The following METTL15 variants were observed in gnomAD, a reference collection of about 807,000 sequenced individuals.
METTL15 encodes the protein methyltransferase 15, mitochondrial 12S rRNA N4-cytidine, also known as 12S rRNA N(4)-cytidine methyltransferase METTL15.
A neutral mutation model predicts 38.3 loss-of-function variants in METTL15; 34 were observed. That is an observed-to-expected ratio of 0.89 (90% confidence interval 0.68 to 1.18). METTL15 has a LOEUF of 1.18. Among genes scored for constraint, METTL15 ranks in the 50% most tolerant of loss-of-function variants. The pLI is 0.00. For missense variants in METTL15, 438 were observed against 498.4 expected, an observed-to-expected ratio of 0.88 and a Z score of 1.15; for synonymous variants, 162 against 170.9, an observed-to-expected ratio of 0.95 and a Z score of 0.41.
intron 4 of METTL15, among the ~76,000 whole-genome samples, chr11:28,225,208 T>G (rs1853424313): frequency 6.6e-6 from 1 of 151,900 alleles, no homozygotes; most frequent in Admixed American, 6.6e-5. Context: ...CATTTACAGT[T>G]TTGGCTGTAT....
intron 5 of METTL15, among the ~76,000 whole-genome samples, chr11:28,363,603 T>C (rs1432311504): frequency 6.6e-6 from 1 of 152,230 alleles, no homozygotes; most frequent in East Asian, 1.9e-4. Context: ...GCCAGATGCA[T>C]AGTTTGCAAA....
intron 4 of METTL15, among the ~76,000 whole-genome samples, chr11:28,286,729 C>T (rs1367983365): frequency 6.6e-6 from 1 of 151,908 alleles, no homozygotes; most frequent in Non-Finnish European, 1.5e-5. Context: ...ATTATGTGTT[C>T]CTTAACTTCT....
At chr11:28,203,582 A>G (rs1457394363) in intron 3 of METTL15, among the ~76,000 whole-genome samples, 1 of 152,050 alleles carries the variant, frequency 6.6e-6, no homozygotes, top group African/African-American at 2.4e-5. Flanking sequence ...CATAGGATCT[A>G]CATTTTACTA....
At chr11:28,355,627 T>A (rs1564904895) in intron 4 of METTL15, among the ~76,000 whole-genome samples, 1 of 152,196 alleles carries the variant, frequency 6.6e-6, no homozygotes, top group Non-Finnish European at 1.5e-5. Flanking sequence ...CCGTAGCATT[T>A]ACATTGTACT....
At chr11:28,327,476 C>G (rs1264139899) in intron 6 of METTL15, 1 of 152,254 alleles carries the variant, frequency 6.6e-6, no homozygotes, top group African/African-American at 2.4e-5. Context: ...TTCATATATA[C>G]TAGGGGATAT....
intron 4 of METTL15, among the ~76,000 whole-genome samples, chr11:28,235,775 T>G (rs1376949903): frequency 6.6e-6 from 1 of 152,188 alleles, no homozygotes; most frequent in Non-Finnish European, 1.5e-5. Context: ...GACTTCCTGT[T>G]TTCCCAATTG....
At chr11:28,295,611 A>T (rs12293261) in intron 5 of METTL15, among the ~76,000 whole-genome samples, 22,153 of 152,090 alleles carry the variant, frequency 0.15, 1,794 homozygotes, top group East Asian at 0.28. Context: ...AAAAAAAAAA[A>T]AATAATAATC....
At chr11:28,115,628 ATAT>A (rs1166700580) in intron 3 of METTL15, among the ~76,000 whole-genome samples, 4 of 152,174 alleles carry the variant, frequency 2.6e-5, no homozygotes, top group African/African-American at 9.7e-5. Context: ...TAGAGCAAAA[ATAT>A]TAAGAGAATC....
chr11:28,240,769 A>T (rs891946024), intron 4 of METTL15, among the ~76,000 whole-genome samples: 15 of 152,204 alleles, frequency 9.9e-5, no homozygotes, highest in African/African-American at 3.4e-4. Flanking sequence ...ATGTTAAGAA[A>T]ATTTAAAAAG....
chr11:28,509,001 A>G (rs1851652804), intron 6 of METTL15, among the ~76,000 whole-genome samples: 2 of 152,198 alleles, frequency 1.3e-5, no homozygotes, highest in Non-Finnish European at 2.9e-5. Flanking sequence ...TTTCTAGACC[A>G]TGATATCTAC....
At chr11:28,288,875 A>G (rs1465130169) in intron 4 of METTL15, among the ~76,000 whole-genome samples, 2 of 152,110 alleles carry the variant, frequency 1.3e-5, no homozygotes, top group Non-Finnish European at 2.9e-5. Flanking sequence ...GTTGGGCCAG[A>G]TGAAATCCTG....
Position 28,456,428 on chromosome 11 carries a change from T to TG in METTL15, c.*424+32064_*424+32065insG, listed in dbSNP as rs1367279424. 8.7e-4 allele frequency among the ~76,000 whole-genome samples: 127 copies of TG among 146,056 alleles called. 2 individuals carry two copies. The East Asian group carries it at 0.011, about 12-fold the overall frequency. On this transcript the variant is annotated intron_variant and NMD_transcript_variant, in intron 6 of 7. Coordinates refer to the METTL15 transcript ENST00000532947. Reference sequence around the variant, plus strand: ...ATCATAGCCCCCAGGGTTGTTTTTTTTTTTGTTTGTTTGTTTGTTTTGTTT... The same window carrying TG: ...ATCATAGCCCCCAGGGTTGTTTTTTTGTTTTGTTTGTTTGTTTGTTTTGTTT...
intron 2 of METTL15, among the ~76,000 whole-genome samples, chr11:28,112,741 G>T (rs1163935302): frequency 6.6e-6 from 1 of 152,134 alleles, no homozygotes; most frequent in Non-Finnish European, 1.5e-5. Flanking sequence ...ACAGGGAGAT[G>T]ATCTCGTCAG....
intron 3 of METTL15, among the ~76,000 whole-genome samples, chr11:28,198,089 G>A (rs1431432809): frequency 6.6e-6 from 1 of 151,964 alleles, no homozygotes; most frequent in Non-Finnish European, 1.5e-5. Flanking sequence ...ATGTTCATTG[G>A]TGTTTGTCCA....
intron 3 of METTL15, chr11:28,134,559 G>A (rs1205773334): frequency 1.3e-5 from 5 of 398,340 alleles, no homozygotes; most frequent in Admixed American, 4.4e-5. Context: ...CTGCTGTTGC[G>A]AAAAAGTGGA....
At chr11:28,412,771 C>G (rs1850739980) in intron 5 of METTL15, among the ~76,000 whole-genome samples, 2 of 151,736 alleles carry the variant, frequency 1.3e-5, no homozygotes, top group Admixed American at 1.3e-4. Flanking sequence ...AGATTTAGTT[C>G]AAGAATATAC....
At chr11:28,271,241 T>C (rs970067496) in intron 4 of METTL15, among the ~76,000 whole-genome samples, 2 of 152,158 alleles carry the variant, frequency 1.3e-5, no homozygotes, top group Non-Finnish European at 2.9e-5. Context: ...ATTATAAGGC[T>C]CATTTTAACA....
chr11:28,374,950 T>G (rs1850290570), intron 5 of METTL15, among the ~76,000 whole-genome samples: 1 of 151,952 alleles, frequency 6.6e-6, no homozygotes, highest in African/African-American at 2.4e-5. Flanking sequence ...TTGGTTCTGT[T>G]TATATGCTGG....
At chr11:28,504,911 C>T (rs902297442) in intron 6 of METTL15, among the ~76,000 whole-genome samples, 1 of 152,168 alleles carries the variant, frequency 6.6e-6, no homozygotes, top group East Asian at 1.9e-4. Context: ...ACTGGGGAGC[C>T]TTGCTTAGGA....
Sources: allele counts gnomAD v4.1 joint callset (sites outside exome capture counted in the v4.1 genomes callset), GRCh38; gene constraint gnomAD v4.1.1; transcripts MANE v1.5; gene names NCBI Gene and HGNC (gene_info 2026-07-23, HGNC 2026-07-21).